The following RAD18 variants were observed in gnomAD, a reference collection of about 807,000 sequenced individuals.
RAD18 encodes RAD18 E3 ubiquitin protein ligase.
Under a neutral mutation model 60.4 loss-of-function variants are expected in RAD18, and 47 were observed. The ratio of observed to expected loss-of-function variants is 0.78; its 90% CI spans 0.62 to 0.99. The LOEUF (loss-of-function observed/expected upper bound fraction) is 0.99. Among genes scored for constraint, RAD18 ranks in the 50% least tolerant of loss-of-function variants. The pLI is 0.00. For synonymous variants in RAD18, 225 were observed against 195.5 expected (o/e 1.15, Z -1.26); for missense variants, 640 against 593.3 (o/e 1.08, Z -0.82).
intron 2 of RAD18, among the ~76,000 whole-genome samples, chr3:8,956,888 A>G (rs1342080664): frequency 6.6e-6 from 1 of 152,198 alleles, no homozygotes; most frequent in Non-Finnish European, 1.5e-5. Flanking sequence ...GCTTTCCCCA[A>G]AAAATTAAGA....
intron 2 of RAD18, among the ~76,000 whole-genome samples, chr3:8,957,363 C>G (rs967480506): frequency 2.0e-5 from 3 of 151,824 alleles, no homozygotes; most frequent in Admixed American, 2.0e-4. Flanking sequence ...TGCAACGATC[C>G]TAAAAAAAAC....
chr3:8,949,767 A>G (rs2124839292), intron 2 of RAD18, among the ~76,000 whole-genome samples: 1 of 152,258 alleles, frequency 6.6e-6, no homozygotes, highest in South Asian at 2.1e-4. Flanking sequence ...TGCTGGAACC[A>G]GTGCTGGGGT....
chr3:8,895,255 T>C (rs995208730), intron 11 of RAD18, among the ~76,000 whole-genome samples: 7 of 152,176 alleles, frequency 4.6e-5, no homozygotes, highest in African/African-American at 1.7e-4. Context: ...TAGAAAAAGA[T>C]TTTGTGGCAA....
Position 8,893,466 on chromosome 3 carries a change from C to T in RAD18, c.1323-3015G>A, listed in dbSNP as rs557785587. Among the ~76,000 whole-genome samples, 21 of 152,242 alleles carry T rather than the reference C, an allele frequency of 1.4e-4. 1 individual carries two copies. The highest frequency in any genetic ancestry group is 1.2e-3 in the South Asian group (6 of 4,818). ...CCAGACAATGGTACTTAAATAAATTCTGTCAGCTACCATGAATCTTCCCTC... is the reference window on the plus strand; with the variant it reads ...CCAGACAATGGTACTTAAATAAATTTTGTCAGCTACCATGAATCTTCCCTC... On this transcript the variant is annotated intron_variant, in intron 11 of 12. Transcript: ENST00000264926.
intron 7 of RAD18, among the ~76,000 whole-genome samples, chr3:8,934,975 T>C (rs1166192207): frequency 6.6e-6 from 1 of 152,230 alleles, no homozygotes; most frequent in East Asian, 1.9e-4. Flanking sequence ...CATAAGCTAT[T>C]GGCCCTTTAT....
chr3:8,924,681 G>A (rs1250149109), intron 7 of RAD18, among the ~76,000 whole-genome samples: 4 of 128,888 alleles, frequency 3.1e-5, no homozygotes, highest in African/African-American at 1.1e-4. Context: ...TTCAGCAAAT[G>A]TAAAAGAACA....
At chr3:8,928,905 T>C (rs1940498630) in intron 7 of RAD18, among the ~76,000 whole-genome samples, 1 of 152,156 alleles carries the variant, frequency 6.6e-6, no homozygotes, top group African/African-American at 2.4e-5. Context: ...ACAGGTTCTT[T>C]GGCCAACATT....
intron 7 of RAD18, among the ~76,000 whole-genome samples, chr3:8,916,311 G>C (rs938705053): frequency 3.9e-5 from 6 of 152,126 alleles, no homozygotes; most frequent in Non-Finnish European, 8.8e-5. Context: ...AGCTAAATCA[G>C]AGTAACAGAG....
intron 6 of RAD18, among the ~76,000 whole-genome samples, chr3:8,937,082 T>C (rs1346387677): frequency 1.3e-5 from 2 of 152,216 alleles, no homozygotes; most frequent in African/African-American, 2.4e-5. Context: ...AAACTCTCAA[T>C]AGATTATATT....
chr3:8,904,342 A>G (rs1232735598), intron 9 of RAD18, among the ~76,000 whole-genome samples: 1 of 152,222 alleles, frequency 6.6e-6, no homozygotes, highest in African/African-American at 2.4e-5. Flanking sequence ...ATTGTGACGC[A>G]CAAGGAAGAA....
intron 6 of RAD18, among the ~76,000 whole-genome samples, chr3:8,937,912 G>C (rs956284083): frequency 6.6e-5 from 10 of 152,108 alleles, no homozygotes; most frequent in African/African-American, 2.4e-4. Context: ...ACACATGGAC[G>C]AGTATGTCTT....
At chr3:8,914,043 G>T (rs1164243554) in intron 7 of RAD18, among the ~76,000 whole-genome samples, 1 of 152,144 alleles carries the variant, frequency 6.6e-6, no homozygotes, top group Non-Finnish European at 1.5e-5. Flanking sequence ...TAATTTTTTA[G>T]TGTGAGTTCA....
rs984189332 is a variant in RAD18, at chr3:8,879,544, T to C, written c.*1813A>G. 1.3e-5 allele frequency: 2 copies of C among 152,286 alleles called. No individual in the cohort carries two copies. The highest frequency in any genetic ancestry group is 3.8e-4 in the East Asian group (2 of 5,200). The allele number at this position is 152,286 out of a possible 1,614,324, so 9.4% of individuals were successfully genotyped here. ...TGTAAGCTTCCCCGTCTGCAGTATCTTGTGACGGCAGCCCTGGCAAACTAA... is the reference window on the plus strand; with the variant it reads ...TGTAAGCTTCCCCGTCTGCAGTATCCTGTGACGGCAGCCCTGGCAAACTAA... On this transcript the variant is annotated 3_prime_UTR_variant, in exon 13 of 13. Transcript: ENST00000264926.
chr3:8,957,467 A>G (rs1425436321), intron 2 of RAD18, among the ~76,000 whole-genome samples: 1 of 152,204 alleles, frequency 6.6e-6, no homozygotes, highest in Non-Finnish European at 1.5e-5. Context: ...GCACAAGGAT[A>G]GACATATATG....
chr3:8,952,661 A>G (rs1940945353), intron 2 of RAD18, among the ~76,000 whole-genome samples: 1 of 152,224 alleles, frequency 6.6e-6, no homozygotes, highest in South Asian at 2.1e-4. Flanking sequence ...TGGTTCAAAT[A>G]AACACTGCAC....
intron 7 of RAD18, among the ~76,000 whole-genome samples, chr3:8,923,583 G>A (rs1005153005): frequency 2.6e-5 from 4 of 151,962 alleles, no homozygotes; most frequent in Admixed American, 1.3e-4. Flanking sequence ...GATACTCCTC[G>A]AGAAGAGCAA....
chr3:8,915,279 G>T (rs78314989), intron 7 of RAD18, among the ~76,000 whole-genome samples: 4 of 152,132 alleles, frequency 2.6e-5, no homozygotes, highest in African/African-American at 9.6e-5. Flanking sequence ...CCCTAATGAC[G>T]AGAAAAAGCG....
chr3:8,918,870 T>G (rs1437148773), intron 7 of RAD18, among the ~76,000 whole-genome samples: 1 of 152,120 alleles, frequency 6.6e-6, no homozygotes, highest in Non-Finnish European at 1.5e-5. Flanking sequence ...GTGCAGGATG[T>G]CCTCCCATAG....
intron 7 of RAD18, among the ~76,000 whole-genome samples, chr3:8,923,557 C>T (rs1396240871): frequency 1.3e-5 from 2 of 151,952 alleles, no homozygotes; most frequent in African/African-American, 4.8e-5. Context: ...TCAGGAAATA[C>T]AGAGAACGCC....
Sources: gnomAD v4.1 joint callset for allele counts (sites outside exome capture counted in the v4.1 genomes callset) on GRCh38, gnomAD v4.1.1 for gene constraint, MANE v1.5 for transcripts, NCBI Gene and HGNC (gene_info 2026-07-23, HGNC 2026-07-21) for gene names.